The following CCDC141 variants were observed in gnomAD, a reference collection of about 807,000 sequenced individuals.
The protein encoded by CCDC141 is coiled-coil domain containing 141, also known as coiled-coil domain-containing protein 141.
CCDC141 carries 168 observed loss-of-function variants against 181.0 expected under a neutral mutation model. That is an observed-to-expected ratio of 0.93 (90% CI 0.82 to 1.05). CCDC141 has a LOEUF of 1.05. Ranked by LOEUF, CCDC141 falls within the 50% of genes least tolerant of loss-of-function variation. The pLI, the probability that CCDC141 is intolerant of heterozygous loss-of-function variation, is 0.00. For synonymous variants in CCDC141, 666 were observed against 642.3 expected (o/e 1.04, Z -0.56); for missense variants, 1,902 against 1,788.5 (o/e 1.06, Z -1.14).
chr2:178,924,655 T>C (rs1202347989), intron 6 of CCDC141, among the ~76,000 whole-genome samples: 1 of 152,228 alleles, frequency 6.6e-6, no homozygotes, highest in Non-Finnish European at 1.5e-5. Flanking sequence ...AGGGTCATTC[T>C]GGAGAGAAGT....
At chr2:178,993,574 C>A (rs546505333) in intron 2 of CCDC141, among the ~76,000 whole-genome samples, 16 of 152,256 alleles carry the variant, frequency 1.1e-4, no homozygotes, top group Admixed American at 3.3e-4. Context: ...GGGACACATC[C>A]AAACCATATT....
chr2:178,866,916 G>A (rs902921901), intron 16 of CCDC141, among the ~76,000 whole-genome samples: 1 of 152,164 alleles, frequency 6.6e-6, no homozygotes, highest in Non-Finnish European at 1.5e-5. Context: ...AGTAGAGACG[G>A]AGTTTTGCCA....
chr2:178,837,422 A>C lies in CCDC141; in HGVS notation c.3797T>G (p.Leu1266Arg). 6.2e-7 allele frequency: 1 copy of C among 1,614,120 alleles called. No individual in the cohort carries two copies. The highest frequency in any genetic ancestry group is 8.5e-7 in the Non-Finnish European group (1 of 1,179,990). The stretch of plus-strand genomic sequence containing the variant: ...ATCCGCAAAGGCAACAGGTGGTGGA[A>C]GAACAGATTCCTGGGCATCCCCTGG... The part of the protein sequence containing the change: ...SSPGDAQESV[L>R]PPPVAFADAC... The change falls in exon 23 of 24, where the codon CTT becomes CGT. Residue 1266 changes from leucine (L) to arginine (R), a missense_variant. By Grantham distance (102) the Leu-to-Arg change is moderately radical (BLOSUM62 -2). Coordinates refer to ENST00000443758, the MANE Select transcript of CCDC141 (RefSeq NM_173648.4).
At chr2:178,851,465 G>A (rs898177940) in intron 20 of CCDC141, among the ~76,000 whole-genome samples, 5 of 152,090 alleles carry the variant, frequency 3.3e-5, no homozygotes, top group African/African-American at 9.7e-5. Flanking sequence ...GGGATGGGGC[G>A]CTAATCCAAT....
At chr2:178,977,148 C>A (rs918891846) in intron 3 of CCDC141, among the ~76,000 whole-genome samples, 1 of 152,096 alleles carries the variant, frequency 6.6e-6, no homozygotes, top group African/African-American at 2.4e-5. Context: ...TCACTAGATT[C>A]AATAAAAGCT....
intron 2 of CCDC141, among the ~76,000 whole-genome samples, chr2:179,041,405 T>A (rs563975700): frequency 6.6e-6 from 1 of 152,168 alleles, no homozygotes; most frequent in African/African-American, 2.4e-5. Context: ...TGAGCTTTTT[T>A]TAATGTTTGT....
intron 2 of CCDC141, among the ~76,000 whole-genome samples, chr2:178,987,973 A>G (rs1160701013): frequency 1.3e-5 from 2 of 151,576 alleles, no homozygotes; most frequent in African/African-American, 2.4e-5. Flanking sequence ...TACTGGGTAT[A>G]TACCCAAAGG....
In CCDC141 at chr2:178,990,783, C is replaced by T. The variant is rs1173050850; in HGVS notation, c.226-12108G>A. Among the ~76,000 whole-genome samples, 3 of 151,984 alleles carry T rather than the reference C, an allele frequency of 2.0e-5. No homozygotes were observed. The East Asian group carries it at 5.8e-4, about 29-fold the overall frequency. The stretch of plus-strand genomic sequence containing the variant: ...CTTAGTAATAAAGAGCAGAATGGTG[C>T]TTGCCAGGGGCTGGGGGAAGGGTGA... On this transcript the variant is annotated intron_variant, in intron 2 of 23. Coordinates refer to ENST00000443758, the MANE Select transcript of CCDC141 (RefSeq NM_173648.4).
intron 2 of CCDC141, among the ~76,000 whole-genome samples, chr2:178,988,348 T>C (rs1389956756): frequency 5.5e-5 from 8 of 145,018 alleles, no homozygotes; most frequent in African/African-American, 1.8e-4. Flanking sequence ...AGGGATAGCA[T>C]TGGGAGATAT....
At chr2:178,928,514 G>A (rs188974771) in intron 6 of CCDC141, among the ~76,000 whole-genome samples, 1 of 152,078 alleles carries the variant, frequency 6.6e-6, no homozygotes, top group Admixed American at 6.5e-5. Context: ...ACTGTAAAAA[G>A]CCATGCTTTC....
At chr2:178,839,991 T>G (rs1324399230) in intron 22 of CCDC141, among the ~76,000 whole-genome samples, 1 of 152,212 alleles carries the variant, frequency 6.6e-6, no homozygotes, top group Non-Finnish European at 1.5e-5. Context: ...AAGAGTACTT[T>G]GAGAATGTGT....
At chr2:178,950,386 G>A (rs60059960) in intron 5 of CCDC141, among the ~76,000 whole-genome samples, 3,498 of 151,936 alleles carry the variant, frequency 0.023, 101 homozygotes, top group East Asian at 0.13. Context: ...TTTTGTATTA[G>A]ACAATACAGT....
intron 2 of CCDC141, among the ~76,000 whole-genome samples, chr2:178,992,954 G>A (rs371708951): frequency 1.3e-5 from 2 of 152,094 alleles, no homozygotes; most frequent in East Asian, 1.9e-4. Flanking sequence ...ATCCCCTTAC[G>A]CTGTGATTGT....
Position 178,834,368 on chromosome 2 carries a change from C to A in CCDC141, c.4398G>T (p.Val1466=). The change falls in exon 24 of 24, where the codon GTG becomes GTT. Residue 1466 remains valine (V), a synonymous_variant. Coordinates refer to ENST00000443758, the MANE Select transcript of CCDC141 (RefSeq NM_173648.4). ...QVLHKETRHS[V]FIPKVCKADA... The stretch of plus-strand genomic sequence containing the variant: ...CTGCCTTGCATACCTTTGGAATGAA[C>A]ACCGAATGCCTTGTCTCCTTGTGTA... The A allele has an allele frequency of 6.5e-7, 1 of 1,536,342 alleles. No individual in the cohort carries two copies. The highest frequency in any genetic ancestry group is 2.4e-5 in the East Asian group (1 of 40,920).
intron 4 of CCDC141, among the ~76,000 whole-genome samples, chr2:178,970,176 T>G (rs1027369775): frequency 6.6e-6 from 1 of 152,140 alleles, no homozygotes; most frequent in African/African-American, 2.4e-5. Flanking sequence ...GAATCAATAT[T>G]GTGAAAATGA....
intron 6 of CCDC141, among the ~76,000 whole-genome samples, chr2:178,943,040 A>C (rs1237369156): frequency 1.3e-5 from 2 of 152,110 alleles, no homozygotes; most frequent in Non-Finnish European, 2.9e-5. Context: ...TAACTCTACA[A>C]TTTATCGTGA....
chr2:179,036,078 G>A (rs2043137507), intron 2 of CCDC141, among the ~76,000 whole-genome samples: 1 of 152,192 alleles, frequency 6.6e-6, no homozygotes, highest in Non-Finnish European at 1.5e-5. Context: ...AGTATGGCGT[G>A]TGCCTCATCT....
chr2:178,905,914 T>A (rs1687946769), intron 7 of CCDC141, among the ~76,000 whole-genome samples: 1 of 152,250 alleles, frequency 6.6e-6, no homozygotes, highest in African/African-American at 2.4e-5. Flanking sequence ...TGTAATATTC[T>A]TTAGAGGAAA....
chr2:179,005,830 G>A (rs182461872), intron 2 of CCDC141, among the ~76,000 whole-genome samples: 2 of 152,046 alleles, frequency 1.3e-5, no homozygotes, highest in Non-Finnish European at 2.9e-5. Context: ...GGCTGGTCTC[G>A]AATTCCTGAC....
Sources: gnomAD v4.1 joint callset for allele counts (sites outside exome capture counted in the v4.1 genomes callset) on GRCh38, gnomAD v4.1.1 for gene constraint, MANE v1.5 for transcripts, NCBI Gene and HGNC (gene_info 2026-07-23, HGNC 2026-07-21) for gene names.